The following HMGN3 variants were observed in gnomAD, a reference collection of about 807,000 sequenced individuals.
HMGN3 encodes high mobility group nucleosome-binding domain-containing protein 3.
A neutral mutation model predicts 18.8 loss-of-function variants in HMGN3; 6 were observed. The observed-to-expected ratio is 0.32, with a 90% CI of 0.18 to 0.63. The LOEUF (loss-of-function observed/expected upper bound fraction) is 0.63. Ranked by LOEUF, HMGN3 falls within the 30% of genes least tolerant of loss-of-function variation. HMGN3 has a pLI of 0.79. For synonymous variants in HMGN3, 40 were observed against 36.5 expected, an observed-to-expected ratio of 1.10 and a Z score of -0.35; for missense variants, 107 against 114.2, an observed-to-expected ratio of 0.94 and a Z score of 0.29.
At chr6:79,226,527 G>C (rs1268798804) in intron 1 of HMGN3, among the ~76,000 whole-genome samples, 1 of 152,056 alleles carries the variant, frequency 6.6e-6, no homozygotes, top group East Asian at 1.9e-4. Flanking sequence ...TGAAATTATA[G>C]TATATACTTC....
chr6:79,213,548 C>G (rs576265101), intron 2 of HMGN3, among the ~76,000 whole-genome samples: 2 of 152,252 alleles, frequency 1.3e-5, no homozygotes, highest in South Asian at 4.1e-4. Context: ...TGCCATTTCC[C>G]AAGAAAATTC....
At chr6:79,224,939 T>C (rs569133804) in intron 1 of HMGN3, among the ~76,000 whole-genome samples, 54 of 152,340 alleles carry the variant, frequency 3.5e-4, no homozygotes, top group Middle Eastern at 6.8e-3. Flanking sequence ...TGTAATGTGA[T>C]CTACATATGG....
chr6:79,228,759 G>A (rs1000746183), intron 1 of HMGN3, among the ~76,000 whole-genome samples: 2 of 152,090 alleles, frequency 1.3e-5, no homozygotes, highest in Non-Finnish European at 2.9e-5. Flanking sequence ...TAGAGATGAC[G>A]TCTCGCTATG....
chr6:79,230,428 G>T (rs1012340508), intron 1 of HMGN3, among the ~76,000 whole-genome samples: 3 of 152,182 alleles, frequency 2.0e-5, no homozygotes. Context: ...GGACTTTATA[G>T]TAAGTAGATT....
At chr6:79,216,236 T>A (rs972974584) in intron 1 of HMGN3, among the ~76,000 whole-genome samples, 1 of 152,176 alleles carries the variant, frequency 6.6e-6, no homozygotes, top group Admixed American at 6.5e-5. Flanking sequence ...TTTGTACTAT[T>A]TCTAATATGG....
At chr6:79,214,579 G>A (rs1776877166) in intron 2 of HMGN3, among the ~76,000 whole-genome samples, 1 of 152,188 alleles carries the variant, frequency 6.6e-6, no homozygotes, top group African/African-American at 2.4e-5. Flanking sequence ...TCCACTCACT[G>A]GAGCACAGAA....
intron 1 of HMGN3, among the ~76,000 whole-genome samples, chr6:79,230,778 A>T (rs1395833996): frequency 6.6e-6 from 1 of 152,214 alleles, no homozygotes; most frequent in Non-Finnish European, 1.5e-5. Context: ...AATTTTGTTA[A>T]CAGTTTTTTT....
rs534900631 is a variant in HMGN3 at position 79,206,763 on chromosome 6, G to A, written c.96+1784C>T. On this transcript the variant is annotated intron_variant, in intron 3 of 5. Transcript: ENST00000344726. ...GGTAGATTCACTGTCAGTTTGCACC[G>A]TGTGCCTGGAAAAGCTGCAGCCATT... 7.9e-5 allele frequency among the ~76,000 whole-genome samples: 12 copies of A among 152,288 alleles called. 1 individual carries two copies. The highest frequency in any genetic ancestry group is 2.4e-4 in the African/African-American group (10 of 41,558).
chr6:79,234,356 G>A (rs1778033756), intron 1 of HMGN3, 190 bp downstream of exon 1: 2 of 496,238 alleles, frequency 4.0e-6, no homozygotes, highest in Non-Finnish European at 7.1e-6. Flanking sequence ...AGAGATCGAT[G>A]AGGACGGAGT....
At chr6:79,212,470 C>G (rs1225685688) in intron 2 of HMGN3, among the ~76,000 whole-genome samples, 2 of 152,154 alleles carry the variant, frequency 1.3e-5, no homozygotes, top group Non-Finnish European at 2.9e-5. Flanking sequence ...ATTTTTGCTT[C>G]TTTTGTTCAC....
chr6:79,211,083 A>G (rs1776666375), intron 2 of HMGN3, among the ~76,000 whole-genome samples: 1 of 150,024 alleles, frequency 6.7e-6, no homozygotes, highest in Non-Finnish European at 1.5e-5. Flanking sequence ...ATCTTCTATT[A>G]TAAAATCATT....
In HMGN3 at chr6:79,201,731, GA is replaced by G; in HGVS notation, c.262-6del. 2 of 1,598,752 alleles carry G rather than the reference GA, an allele frequency of 1.3e-6. No individual in the cohort carries two copies. Among genetic ancestry groups the G allele is most frequent in the Non-Finnish European group, 8.5e-7 (1 of 1,173,104 alleles). On this transcript the variant is annotated splice_polypyrimidine_tract_variant and splice_region_variant and intron_variant, in intron 5 of 5. Coordinates refer to ENST00000344726, the Ensembl canonical transcript of HMGN3. Reference sequence around the variant, plus strand: ...TACAGATTCAGTTTTCTGTGCCTGTGAAAAAGAAAGGAAAAAAAAACATATA... The same window carrying G: ...TACAGATTCAGTTTTCTGTGCCTGTGAAAAGAAAGGAAAAAAAAACATATA...
intron 2 of HMGN3, among the ~76,000 whole-genome samples, chr6:79,209,034 G>A (rs960310067): frequency 1.1e-4 from 16 of 152,158 alleles, no homozygotes; most frequent in Non-Finnish European, 1.9e-4. Flanking sequence ...AAAATAGCAG[G>A]AGTTCCCCAT....
At chr6:79,214,385 T>C (rs1276519116) in intron 2 of HMGN3, among the ~76,000 whole-genome samples, 1 of 152,004 alleles carries the variant, frequency 6.6e-6, no homozygotes, top group South Asian at 2.1e-4. Context: ...ATATTTTTAG[T>C]AGAGATGGGG....
At position 79,202,050 on chromosome 6, in the gene HMGN3, C is replaced by T. The variant is rs1776161321; in HGVS notation, c.261+226G>A. The T allele has an allele frequency of 6.5e-6, 10 of 1,535,646 alleles. No individual in the cohort carries two copies. The East Asian group carries it at 2.4e-4, about 38-fold the overall frequency. On this transcript the variant is annotated intron_variant, in intron 5 of 5. Transcript: ENST00000344726. Reference sequence around the variant, plus strand: ...CACTGCAAACATGCAGAATTTTCTACTGTACCCTTAACTCTCACTGTTTCA... The same window carrying T: ...CACTGCAAACATGCAGAATTTTCTATTGTACCCTTAACTCTCACTGTTTCA...
At chr6:79,225,176 A>C (rs910832980) in intron 1 of HMGN3, among the ~76,000 whole-genome samples, 1 of 152,200 alleles carries the variant, frequency 6.6e-6, no homozygotes, top group African/African-American at 2.4e-5. Flanking sequence ...GAACTTAACT[A>C]ATTCTGTCCA....
intron 2 of HMGN3, among the ~76,000 whole-genome samples, chr6:79,214,210 T>C (rs980823930): frequency 2.1e-4 from 32 of 151,356 alleles, no homozygotes; most frequent in Non-Finnish European, 7.4e-5. Flanking sequence ...TTTTCTTTTT[T>C]TTTTTTTTTT....
intron 2 of HMGN3, among the ~76,000 whole-genome samples, chr6:79,212,831 GA>G (rs995433277): frequency 4.0e-5 from 6 of 151,620 alleles, no homozygotes; most frequent in African/African-American, 1.2e-4. Context: ...CAGTGGGAAA[GA>G]AAAAAAATCA....
At chr6:79,213,329 C>A (rs370523629) in intron 2 of HMGN3, among the ~76,000 whole-genome samples, 2 of 152,144 alleles carry the variant, frequency 1.3e-5, no homozygotes, top group South Asian at 2.1e-4. Flanking sequence ...TATATACATT[C>A]TCACAAGCTT....
Sources: allele counts gnomAD v4.1 joint callset (sites outside exome capture counted in the v4.1 genomes callset), GRCh38; gene constraint gnomAD v4.1.1; transcripts MANE v1.5; gene names NCBI Gene and HGNC (gene_info 2026-07-23, HGNC 2026-07-21).